TMPRSS4: variants seen among roughly 807,000 people sequenced by gnomAD.
TMPRSS4 encodes transmembrane protease serine 4.
Under a neutral mutation model 56.4 loss-of-function variants are expected in TMPRSS4, and 45 were observed. That is an observed-to-expected ratio of 0.80 (90% CI 0.63 to 1.02). The LOEUF is 1.02. Among genes scored for constraint, TMPRSS4 ranks in the 50% least tolerant of loss-of-function variants. The pLI, the probability that TMPRSS4 is intolerant of heterozygous loss-of-function variation, is 0.00. For synonymous variants in TMPRSS4, 205 were observed against 211.0 expected, an observed-to-expected ratio of 0.97 and a Z score of 0.25; for missense variants, 546 against 556.7, an observed-to-expected ratio of 0.98 and a Z score of 0.19.
chr11:118,123,866 G>T (rs1052223164), downstream of TMPRSS4, among the ~76,000 whole-genome samples: 1 of 152,122 alleles, frequency 6.6e-6, no homozygotes, highest in African/African-American at 2.4e-5. Context: ...CAAATGTAAG[G>T]CATGGGCTTT....
intron 1 of TMPRSS4, among the ~76,000 whole-genome samples, chr11:118,085,271 T>C (rs1945460127): frequency 6.6e-6 from 1 of 150,868 alleles, no homozygotes; most frequent in African/African-American, 2.4e-5. Flanking sequence ...TTGCCCTGGC[T>C]GGAGTACAGT....
Position 118,118,440 on chromosome 11 carries a change from T to C in TMPRSS4, c.*527T>C. On this transcript the variant is annotated 3_prime_UTR_variant, in exon 13 of 13. Coordinates refer to ENST00000437212, the MANE Select transcript of TMPRSS4 (RefSeq NM_019894.4). The stretch of plus-strand genomic sequence containing the variant: ...GCTATGGCCACTATTATTAAAGAGC[T>C]GTGTAACATCTCTGGCATAGGCTAG... The C allele has an allele frequency of 1.0e-6, 1 of 987,642 alleles. No individual in the cohort carries two copies. Among genetic ancestry groups the C allele is most frequent in the Non-Finnish European group, 1.2e-6 (1 of 831,570 alleles). 61.2% of individuals were successfully genotyped at this position (987,642 alleles called of 1,614,324 possible).
chr11:118,102,680 G>C (rs1166462231), intron 3 of TMPRSS4, among the ~76,000 whole-genome samples: 8 of 152,176 alleles, frequency 5.3e-5, no homozygotes, highest in African/African-American at 1.9e-4. Flanking sequence ...CTGCACTCCA[G>C]CCTGGATGAC....
In TMPRSS4 at chr11:118,090,821, AACAC is replaced by A. The variant is rs375243175; in HGVS notation, c.4-3971_4-3968del. On this transcript the variant is annotated intron_variant, in intron 1 of 12. Coordinates refer to ENST00000437212, the MANE Select transcript of TMPRSS4 (RefSeq NM_019894.4). ...TCACTCTGTCACACACACACACACA[AACAC>A]ACACACACACACACACACACACAAA... Among the ~76,000 whole-genome samples, 1,006 of 140,416 alleles carry A rather than the reference AACAC, an allele frequency of 7.2e-3. 9 individuals are homozygous for A. The highest frequency in any genetic ancestry group is 0.014 in the Middle Eastern group (4 of 286). The allele number at this position is 140,416 out of a possible 152,430, so 92.1% of individuals were successfully genotyped here.
chr11:118,108,332 C>A (rs1490267897), intron 6 of TMPRSS4: 2 of 170,576 alleles, frequency 1.2e-5, no homozygotes, highest in African/African-American at 4.8e-5. Flanking sequence ...TGAGCCTCGC[C>A]ACCCTGTGTT....
Position 118,120,181 on chromosome 11 carries a change from CT to C in TMPRSS4, c.*2270del, listed in dbSNP as rs1236691879. On this transcript the variant is annotated 3_prime_UTR_variant, in exon 13 of 13. Coordinates refer to ENST00000437212, the MANE Select transcript of TMPRSS4 (RefSeq NM_019894.4). ...CATGTTGTAGCATGTGTCAGAATTT[CT>C]TCCCTTTTTAGACTAAATAATATTC... The C allele has an allele frequency of 6.6e-6, 1 of 152,190 alleles. No individual in the cohort carries two copies. Among genetic ancestry groups the C allele is most frequent in the African/African-American group, 2.4e-5 (1 of 41,442 alleles). The allele number at this position is 152,190 out of a possible 1,614,324, so 9.4% of individuals were successfully genotyped here.
At chr11:118,117,673 C>T in intron 12 of TMPRSS4, 2 of 985,410 alleles carry the variant, frequency 2.0e-6, no homozygotes, top group Non-Finnish European at 2.4e-6. Context: ...GAATAGAACA[C>T]ACCAAGCCTT....
At chr11:118,085,598 C>T (rs577667539) in intron 1 of TMPRSS4, among the ~76,000 whole-genome samples, 8 of 152,260 alleles carry the variant, frequency 5.3e-5, no homozygotes, top group Non-Finnish European at 7.4e-5. Context: ...TTTAAATTAA[C>T]GTCAGACTGC....
intron 6 of TMPRSS4, chr11:118,108,218 T>C (rs554052855): frequency 4.8e-6 from 1 of 209,934 alleles, no homozygotes; most frequent in Admixed American, 5.4e-5. Flanking sequence ...TAGGCAAGAT[T>C]CCAAAGTCAC....
intron 9 of TMPRSS4, 40 bp downstream of exon 9, chr11:118,113,475 C>G (rs1591407784): frequency 3.1e-6 from 5 of 1,603,356 alleles, no homozygotes; most frequent in African/African-American, 1.3e-5. Context: ...CCTCTTACAT[C>G]AGTTTTCACG....
At chr11:118,099,481 A>AAGAAAAAAAGAAAGAAAGAAAG (rs141362371) in intron 3 of TMPRSS4, among the ~76,000 whole-genome samples, 1 of 141,812 alleles carries the variant, frequency 7.1e-6, no homozygotes, top group Non-Finnish European at 1.5e-5. Flanking sequence ...GAAAGAAAGA[A>AAGAAAAAAAGAAAGAAAGAAAG]AAAGAAAGAA....
intron 6 of TMPRSS4, chr11:118,108,293 C>G (rs1313112778): frequency 1.1e-5 from 2 of 177,110 alleles, no homozygotes; most frequent in East Asian, 1.5e-4. Flanking sequence ...AGGGAAGAGG[C>G]TCCATGGCCC....
intron 7 of TMPRSS4, among the ~76,000 whole-genome samples, chr11:118,110,427 C>T (rs563208855): frequency 7.9e-5 from 12 of 151,874 alleles, no homozygotes; most frequent in Admixed American, 5.2e-4. Context: ...CTGCAACCTC[C>T]GCCTCCTGGA....
At chr11:118,085,229 T>C (rs73010765) in intron 1 of TMPRSS4, among the ~76,000 whole-genome samples, 2 of 132,024 alleles carry the variant, frequency 1.5e-5, no homozygotes, top group Admixed American at 1.5e-4. Context: ...TCTTCTTCTT[T>C]TTTTTTTTTT....
At position 118,111,733 on chromosome 11, in the gene TMPRSS4, G is replaced by A; in HGVS notation, c.584-8G>A. The A allele has an allele frequency of 6.4e-7, 1 of 1,559,798 alleles. No individual in the cohort carries two copies. Among genetic ancestry groups the A allele is most frequent in the Non-Finnish European group, 8.6e-7 (1 of 1,157,672 alleles). On this transcript the variant is annotated splice_region_variant and splice_polypyrimidine_tract_variant and intron_variant, in intron 7 of 12. Coordinates refer to ENST00000437212, the MANE Select transcript of TMPRSS4 (RefSeq NM_019894.4). ...TCCTGCCTCCTCCCTGCCTCTGCCT[G>A]TGTCCAGCCTGTGGGAAGAGCCTGA...
chr11:118,091,601 T>C (rs1945970429), intron 1 of TMPRSS4, among the ~76,000 whole-genome samples: 1 of 152,194 alleles, frequency 6.6e-6, no homozygotes, highest in Admixed American at 6.5e-5. Context: ...CCCATCTTGC[T>C]GGGATGATTT....
At chr11:118,084,399 C>T (rs762242478) in intron 1 of TMPRSS4, among the ~76,000 whole-genome samples, 3 of 152,222 alleles carry the variant, frequency 2.0e-5, no homozygotes, top group Non-Finnish European at 4.4e-5. Flanking sequence ...GGTTATGCAA[C>T]TGCAAAGTCA....
chr11:118,077,927 C>T (rs1000603297), intron 1 of TMPRSS4, among the ~76,000 whole-genome samples: 3 of 140,054 alleles, frequency 2.1e-5, no homozygotes, highest in Non-Finnish European at 4.5e-5. Flanking sequence ...GCAGGAGAAT[C>T]GCTTGAACTT....
intron 7 of TMPRSS4, among the ~76,000 whole-genome samples, chr11:118,110,287 G>T (rs1443691944): frequency 2.6e-5 from 4 of 151,842 alleles, no homozygotes; most frequent in Non-Finnish European, 4.4e-5. Context: ...GAGACTGGTT[G>T]CATGGAAGAC....
Sources: gnomAD v4.1 joint callset for allele counts (sites outside exome capture counted in the v4.1 genomes callset) on GRCh38, gnomAD v4.1.1 for gene constraint, MANE v1.5 for transcripts, NCBI Gene and HGNC (gene_info 2026-07-23, HGNC 2026-07-21) for gene names.